The following VPS13A variants were observed in gnomAD, a reference collection of about 807,000 sequenced individuals.
VPS13A encodes the protein intermembrane lipid transfer protein VPS13A.
Under a neutral mutation model 390.9 loss-of-function variants are expected in VPS13A, and 264 were observed. The ratio of observed to expected loss-of-function variants is 0.68; its 90% CI spans 0.61 to 0.75. The LOEUF (loss-of-function observed/expected upper bound fraction) is 0.75, where lower values mean the gene tolerates loss of function less well. Among genes scored for constraint, VPS13A ranks in the 30% least tolerant of loss-of-function variants. The probability of loss-of-function intolerance (pLI) is 0.00; values close to 1 mark genes in which losing one functional copy is unlikely to be tolerated. For missense variants in VPS13A, 3,409 were observed against 3,733.9 expected, an observed-to-expected ratio of 0.91 and a Z score of 2.27; for synonymous variants, 1,231 against 1,227.1, an observed-to-expected ratio of 1.00 and a Z score of -0.07.
intron 5 of VPS13A, among the ~76,000 whole-genome samples, chr9:77,208,879 A>T (rs1343702372): frequency 2.0e-5 from 3 of 152,206 alleles, no homozygotes; most frequent in Non-Finnish European, 1.5e-5. Flanking sequence ...TTCTTTGGAA[A>T]GTAATGGAAC....
intron 68 of VPS13A, among the ~76,000 whole-genome samples, chr9:77,384,356 A>G (rs576371903): frequency 9.9e-5 from 15 of 152,022 alleles, no homozygotes; most frequent in African/African-American, 3.6e-4. Flanking sequence ...TACCTTATTG[A>G]TATCATCAAA....
At chr9:77,237,122 T>C (rs1445304516) in intron 17 of VPS13A, among the ~76,000 whole-genome samples, 1 of 152,044 alleles carries the variant, frequency 6.6e-6, no homozygotes, top group Non-Finnish European at 1.5e-5. Context: ...TCTCTTGACC[T>C]CGTGATCCGC....
chr9:77,185,063 C>G (rs1466262728), intron 1 of VPS13A, among the ~76,000 whole-genome samples: 1 of 152,042 alleles, frequency 6.6e-6, no homozygotes, highest in South Asian at 2.1e-4. Context: ...GCACAGATCA[C>G]AGCCTGCGAC....
At chr9:77,231,368 C>G (rs550767010) in intron 17 of VPS13A, among the ~76,000 whole-genome samples, 1 of 152,054 alleles carries the variant, frequency 6.6e-6, no homozygotes, top group Non-Finnish European at 1.5e-5. Context: ...TAGGTGTGGT[C>G]TGCATCATTT....
At chr9:77,197,665 A>G (rs1389062139) in intron 1 of VPS13A, among the ~76,000 whole-genome samples, 1 of 152,212 alleles carries the variant, frequency 6.6e-6, no homozygotes, top group Non-Finnish European at 1.5e-5. Context: ...GTACATATAC[A>G]TAATGAGATA....
chr9:77,330,862 G>A (rs1830242535), intron 45 of VPS13A, among the ~76,000 whole-genome samples: 2 of 151,640 alleles, frequency 1.3e-5, no homozygotes, highest in Non-Finnish European at 2.9e-5. Context: ...TCTTCCTTGA[G>A]GTAATATCAA....
intron 3 of VPS13A, 47 bp downstream of exon 3, chr9:77,201,454 C>A: frequency 6.8e-7 from 1 of 1,476,002 alleles, no homozygotes; most frequent in Non-Finnish European, 9.5e-7. Flanking sequence ...GGACATGCAG[C>A]CAGAATAATT....
rs2131666760 is a variant in VPS13A at position 77,411,269 on chromosome 9, T to C, written c.9474+3662T>C. ...AACAAAGACACAACATAGCAGAATC[T>C]CTGGGACACATTCAAAGCAGTGTGT... On this transcript the variant is annotated intron_variant, in intron 71 of 71. Transcript: ENST00000360280. 3.3e-5 allele frequency among the ~76,000 whole-genome samples: 5 copies of C among 152,106 alleles called. 1 individual carries two copies. The South Asian group carries it at 1.0e-3, about 32-fold the overall frequency.
chr9:77,248,716 G>C (rs1378606573), intron 20 of VPS13A, among the ~76,000 whole-genome samples: 1 of 151,894 alleles, frequency 6.6e-6, no homozygotes, highest in Non-Finnish European at 1.5e-5. Flanking sequence ...GTCAGAAGTG[G>C]CTAGTGGCTA....
intron 23 of VPS13A, among the ~76,000 whole-genome samples, chr9:77,263,996 A>G (rs1289024245): frequency 6.6e-6 from 1 of 152,036 alleles, no homozygotes; most frequent in Non-Finnish European, 1.5e-5. Flanking sequence ...CATTTATTAA[A>G]TAGGGAATCT....
rs772138844 is a variant in VPS13A, at chr9:77,247,352, G to C, written c.1994G>C (p.Ser665Thr). Residue 665 changes from serine (S) to threonine (T), a missense_variant, in exon 20 of 72, where the codon AGT becomes ACT. Coordinates refer to ENST00000360280, the MANE Select transcript of VPS13A (RefSeq NM_033305.3). ...ATTGTCCCACAAGATGGAATTTTTA[G>C]TCCTACATCAAATCTGCTTCTTTTG... ...YIIVPQDGIF[S>T]PTSNLLLLDL... 1.8e-5 allele frequency: 29 copies of C among 1,612,272 alleles called. No individual in the cohort carries two copies. The highest frequency in any genetic ancestry group is 1.6e-4 in the Middle Eastern group (1 of 6,070).
intron 62 of VPS13A, 24 bp from the exon 63 acceptor site, chr9:77,369,275 T>C: frequency 1.3e-6 from 2 of 1,507,246 alleles, no homozygotes; most frequent in East Asian, 2.3e-5. Flanking sequence ...TCTGAATTGA[T>C]TAATGTTCAT....
intron 20 of VPS13A, among the ~76,000 whole-genome samples, chr9:77,248,558 A>T (rs1312432635): frequency 6.6e-6 from 1 of 151,736 alleles, no homozygotes; most frequent in Non-Finnish European, 1.5e-5. Flanking sequence ...CCAAATTTTC[A>T]GTAGAGAATA....
intron 53 of VPS13A, 131 bp from the exon 54 acceptor site, chr9:77,353,278 G>A: frequency 1.5e-6 from 1 of 658,614 alleles, no homozygotes; most frequent in South Asian, 1.9e-5. Flanking sequence ...AATTCATTTA[G>A]TTGCCACTAA....
At chr9:77,207,252 T>TATATATATATATATA in intron 5 of VPS13A, among the ~76,000 whole-genome samples, 1 of 87,274 alleles carries the variant, frequency 1.1e-5, no homozygotes, top group East Asian at 3.7e-4. Context: ...TATATATATA[T>TATATATATATATATA]AAAACGTGTT....
chr9:77,420,064 A>G lies in VPS13A; in HGVS notation c.*4058A>G, dbSNP rs1409499834. On this transcript the variant is annotated 3_prime_UTR_variant, in exon 72 of 72. Transcript: ENST00000360280. Reference sequence around the variant, plus strand: ...CTGATTTTTTTTGGTGCTTTTCAGTATAGCGCAACTCTAAAAGGAAACCCA... The same window carrying G: ...CTGATTTTTTTTGGTGCTTTTCAGTGTAGCGCAACTCTAAAAGGAAACCCA... The G allele has an allele frequency of 3.3e-5, 5 of 152,196 alleles. No homozygotes were observed. The highest frequency in any genetic ancestry group is 9.6e-5 in the African/African-American group (4 of 41,454). The allele number at this position is 152,196 out of a possible 1,614,324, so 9.4% of individuals were successfully genotyped here.
At position 77,227,467 on chromosome 9, in the gene VPS13A, T is replaced by G. The variant is rs1823580223; in HGVS notation, c.1434T>G (p.Asp478Glu). 1.2e-6 allele frequency: 2 copies of G among 1,612,760 alleles called. No homozygotes were observed. Among genetic ancestry groups the G allele is most frequent in the East Asian group, 4.5e-5 (2 of 44,798 alleles). ...TTGGCTATAGTGAAACAGCAGTTGA[T>G]CCAACTTTACTAAAAACAGTAAGAT... ...EAIGYSETAVDPTLLKTFEAL... is the reference protein window; with the variant it reads ...EAIGYSETAVEPTLLKTFEAL... Residue 478 changes from aspartate (D) to glutamate (E), a missense_variant, in exon 16 of 72, where the codon GAT becomes GAG. By Grantham distance (45) the Asp-to-Glu change is conservative (BLOSUM62 2). This residue lies in a region of VPS13A where 2,717 missense variants were observed against 2,917.4 expected (regional missense o/e 0.93). Transcript: ENST00000360280.
At chr9:77,253,594 C>T (rs1363673611) in intron 22 of VPS13A, among the ~76,000 whole-genome samples, 4 of 151,952 alleles carry the variant, frequency 2.6e-5, no homozygotes, top group African/African-American at 4.8e-5. Context: ...CATGAGCTGC[C>T]GCACCCGGCT....
intron 24 of VPS13A, among the ~76,000 whole-genome samples, chr9:77,274,867 A>G (rs1022973203): frequency 7.9e-5 from 12 of 152,164 alleles, no homozygotes; most frequent in African/African-American, 2.9e-4. Flanking sequence ...TATTAGGGAT[A>G]TACTTCTGAT....
Sources: gnomAD v4.1 joint callset for allele counts (sites outside exome capture counted in the v4.1 genomes callset) on GRCh38, gnomAD v4.1.1 for gene constraint, gnomAD v4.1.1 regional missense constraint, MANE v1.5 for transcripts, NCBI Gene and HGNC (gene_info 2026-07-23, HGNC 2026-07-21) for gene names.